SIPA1L1: variants seen among roughly 807,000 people sequenced by gnomAD.
SIPA1L1 encodes the protein signal-induced proliferation-associated 1-like protein 1.
In SIPA1L1, 26 loss-of-function variants were observed where a neutral mutation model predicts 162.7. The observed-to-expected ratio is 0.16, with a 90% CI of 0.12 to 0.22. The LOEUF (loss-of-function observed/expected upper bound fraction) is 0.22. SIPA1L1 is among the 10% of genes least tolerant of loss of function. SIPA1L1 has a pLI of 1.00. For missense variants in SIPA1L1, 1,874 were observed against 2,241.0 expected (o/e 0.84, Z 3.31); for synonymous variants, 829 against 837.4 (o/e 0.99, Z 0.17).
chr14:71,492,788 A>AT (rs200832752), intron 2 of SIPA1L1, among the ~76,000 whole-genome samples: 166 of 142,760 alleles, frequency 1.2e-3, no homozygotes, highest in Middle Eastern at 7.2e-3. Context: ...GCCTGGCTAG[A>AT]TTTTTTTTTT....
At chr14:71,565,249 A>G (rs926325465) in intron 4 of SIPA1L1, among the ~76,000 whole-genome samples, 5 of 152,138 alleles carry the variant, frequency 3.3e-5, no homozygotes, top group Admixed American at 2.6e-4. Context: ...CTTATATAAC[A>G]CAACCTTTTC....
At chr14:71,557,380 T>C (rs964596760) in intron 4 of SIPA1L1, among the ~76,000 whole-genome samples, 8 of 152,208 alleles carry the variant, frequency 5.3e-5, no homozygotes, top group African/African-American at 1.9e-4. Context: ...TTTATTAATT[T>C]CAAACTAAGT....
chr14:71,651,084 T>G (rs2042579017), intron 8 of SIPA1L1, among the ~76,000 whole-genome samples: 1 of 152,216 alleles, frequency 6.6e-6, no homozygotes, highest in African/African-American at 2.4e-5. Flanking sequence ...TGAAACAATC[T>G]GTTTAACTAT....
At chr14:71,658,581 G>A (rs2043257805) in intron 9 of SIPA1L1, 145 bp downstream of exon 9, 1 of 654,212 alleles carries the variant, frequency 1.5e-6, no homozygotes, top group Admixed American at 3.0e-5. Flanking sequence ...TGGAAGTAAG[G>A]AATAGCAAAT....
At chr14:71,520,652 T>C (rs2052239329) in intron 3 of SIPA1L1, among the ~76,000 whole-genome samples, 1 of 152,254 alleles carries the variant, frequency 6.6e-6, no homozygotes, top group Non-Finnish European at 1.5e-5. Context: ...TCTTTCAGCA[T>C]TACATGCATG....
chr14:71,470,483 A>C (rs1477649352), intron 2 of SIPA1L1, among the ~76,000 whole-genome samples: 1 of 152,204 alleles, frequency 6.6e-6, no homozygotes, highest in Non-Finnish European at 1.5e-5. Flanking sequence ...ACAAGCCCCC[A>C]GTGAAAAAAT....
intron 5 of SIPA1L1, chr14:71,598,280 A>G: frequency 1.1e-6 from 1 of 939,040 alleles, no homozygotes; most frequent in Non-Finnish European, 1.3e-6. Context: ...AAATCAGTGA[A>G]TGACTGTTTC....
intron 2 of SIPA1L1, among the ~76,000 whole-genome samples, chr14:71,344,709 G>A (rs143416126): frequency 2.5e-4 from 38 of 152,136 alleles, no homozygotes; most frequent in South Asian, 1.7e-3. Context: ...GTAGGTGTGC[G>A]CCACTATGCC....
chr14:71,571,706 A>G (rs2032064661), intron 4 of SIPA1L1, among the ~76,000 whole-genome samples: 2 of 151,960 alleles, frequency 1.3e-5, no homozygotes, highest in African/African-American at 4.8e-5. Context: ...CAGTGGCACA[A>G]TCTCGGCTCA....
At chr14:71,424,489 G>T (rs1457520286) in intron 2 of SIPA1L1, among the ~76,000 whole-genome samples, 3 of 152,054 alleles carry the variant, frequency 2.0e-5, no homozygotes, top group Non-Finnish European at 4.4e-5. Flanking sequence ...TCATGAAAGG[G>T]TGTTGAATTT....
At chr14:71,600,175 A>G (rs1289489332) in intron 5 of SIPA1L1, among the ~76,000 whole-genome samples, 2 of 152,176 alleles carry the variant, frequency 1.3e-5, no homozygotes, top group African/African-American at 4.8e-5. Flanking sequence ...TCTTAGCCAT[A>G]AAGTCTTTGC....
chr14:71,372,215 G>T (rs976098325), intron 2 of SIPA1L1, among the ~76,000 whole-genome samples: 20 of 152,056 alleles, frequency 1.3e-4, no homozygotes, highest in African/African-American at 4.6e-4. Context: ...CTCAGAATTA[G>T]TCAGCTTCCA....
rs1887343230 is a variant in SIPA1L1, at chr14:71,367,073, A to G, written c.-465+45892A>G. Among the ~76,000 whole-genome samples the G allele has an allele frequency of 2.0e-5, 3 of 152,126 alleles. No individual in the cohort carries two copies. In the South Asian group the frequency reaches 6.2e-4, roughly 31 times the overall value. On this transcript the variant is annotated intron_variant, in intron 2 of 23. Transcript: ENST00000381232. ...CATGTAAGTGCATAAATATGTATGTATGTGACATACATTTTTTTGGTTGTC... is the reference window on the plus strand; with the variant it reads ...CATGTAAGTGCATAAATATGTATGTGTGTGACATACATTTTTTTGGTTGTC...
chr14:71,407,180 A>G (rs1012381467), intron 2 of SIPA1L1, among the ~76,000 whole-genome samples: 1 of 152,152 alleles, frequency 6.6e-6, no homozygotes, highest in Non-Finnish European at 1.5e-5. Flanking sequence ...GAGGTGGAAG[A>G]AAGTAACTAA....
At chr14:71,637,039 A>T (rs2041215625) in intron 7 of SIPA1L1, among the ~76,000 whole-genome samples, 1 of 148,636 alleles carries the variant, frequency 6.7e-6, no homozygotes, top group Non-Finnish European at 1.5e-5. Context: ...TGACAGAATG[A>T]GACTCCATCT....
intron 2 of SIPA1L1, among the ~76,000 whole-genome samples, chr14:71,323,071 T>C (rs1472498498): frequency 2.0e-5 from 3 of 152,240 alleles, no homozygotes; most frequent in Admixed American, 1.3e-4. Flanking sequence ...GTCCTTACAC[T>C]AGTATTTTCA....
intron 13 of SIPA1L1, among the ~76,000 whole-genome samples, chr14:71,697,637 G>A (rs142552697): frequency 1.0e-3 from 158 of 152,312 alleles, no homozygotes; most frequent in African/African-American, 3.3e-3. Context: ...GGAGAGAGCC[G>A]GAGACAAACC....
intron 5 of SIPA1L1, among the ~76,000 whole-genome samples, chr14:71,591,568 T>C (rs1303895126): frequency 6.6e-6 from 1 of 152,174 alleles, no homozygotes; most frequent in Non-Finnish European, 1.5e-5. Context: ...AAAATACCCT[T>C]TTACCCAGCA....
chr14:71,342,258 T>G (rs1472014771), intron 2 of SIPA1L1, among the ~76,000 whole-genome samples: 1 of 152,098 alleles, frequency 6.6e-6, no homozygotes, highest in Non-Finnish European at 1.5e-5. Context: ...CCTGCATTTT[T>G]GGGGGCCATT....
Sources: gnomAD v4.1 joint callset for allele counts (sites outside exome capture counted in the v4.1 genomes callset) on GRCh38, gnomAD v4.1.1 for gene constraint, MANE v1.5 for transcripts, NCBI Gene and HGNC (gene_info 2026-07-23, HGNC 2026-07-21) for gene names.